The following NCOA1 variants were observed in gnomAD, a reference collection of about 807,000 sequenced individuals.
NCOA1 encodes the protein Hin-2 protein.
In NCOA1, 35 loss-of-function variants were observed where a neutral mutation model predicts 150.9. The observed-to-expected ratio is 0.23, with a 90% CI of 0.18 to 0.31. The LOEUF is 0.31. Among genes scored for constraint, NCOA1 ranks in the 10% least tolerant of loss-of-function variants. The pLI is 1.00. For synonymous variants in NCOA1, 590 were observed against 630.0 expected (o/e 0.94, Z 0.95); for missense variants, 1,491 against 1,749.3 (o/e 0.85, Z 2.63).
chr2:24,511,216 C>A (rs1484345514), intron 1 of NCOA1, among the ~76,000 whole-genome samples: 1 of 152,124 alleles, frequency 6.6e-6, no homozygotes, highest in Admixed American at 6.5e-5. Flanking sequence ...CCACTGTAAT[C>A]CATTTTGACT....
intron 19 of NCOA1, among the ~76,000 whole-genome samples, chr2:24,744,598 A>G (rs918519035): frequency 1.3e-5 from 2 of 152,190 alleles, no homozygotes; most frequent in African/African-American, 4.8e-5. Flanking sequence ...AAAACAGTTT[A>G]TTGTGGCTTA....
intron 14 of NCOA1, among the ~76,000 whole-genome samples, chr2:24,716,143 C>CAAAAA: frequency 1.2e-5 from 1 of 85,362 alleles, no homozygotes; most frequent in Non-Finnish European, 2.3e-5. Context: ...GACTCCGTCT[C>CAAAAA]AAAAAAAAAA....
At chr2:24,557,238 A>G (rs963204216) in intron 1 of NCOA1, among the ~76,000 whole-genome samples, 17 of 152,088 alleles carry the variant, frequency 1.1e-4, no homozygotes, top group Non-Finnish European at 2.4e-4. Context: ...TCTTTAACTT[A>G]TCACATTCTT....
intron 2 of NCOA1, among the ~76,000 whole-genome samples, chr2:24,566,671 A>G (rs1012041367): frequency 9.9e-5 from 15 of 152,160 alleles, no homozygotes; most frequent in Non-Finnish European, 1.5e-4. Flanking sequence ...CCAGAAGTCT[A>G]TCTGCCTCCT....
In NCOA1 at chr2:24,691,284, C is replaced by G. The variant is rs56292541; in HGVS notation, c.533-197C>G. On this transcript the variant is annotated intron_variant, in intron 8 of 22. Transcript: ENST00000348332. Reference sequence around the variant, plus strand: ...ATTTTCTTGGAAATGTTACAGTTTTCTAATTGGTAGACATTTAGATTTGCT... The same window carrying G: ...ATTTTCTTGGAAATGTTACAGTTTTGTAATTGGTAGACATTTAGATTTGCT... 6.3e-3 allele frequency among the ~76,000 whole-genome samples: 964 copies of G among 152,230 alleles called. 12 individuals carry two copies. Among genetic ancestry groups the G allele is most frequent in the African/African-American group, 0.021 (886 of 41,532 alleles).
At position 24,706,997 on chromosome 2, in the gene NCOA1, T is replaced by C; in HGVS notation, c.1527T>C (p.Pro509=). ...TRPRMPNNSF[P]PNISTLSSPV... ...CCAGGATGCCAAACAATTCCTTTCC[T>C]CCTAATATTTCGACATTAAGCTCTC... The change falls in exon 13 of 23, where the codon CCT becomes CCC. Residue 509 remains proline, a synonymous_variant. Coordinates refer to ENST00000348332, the MANE Select transcript of NCOA1 (RefSeq NM_003743.5). 6.2e-7 allele frequency: 1 copy of C among 1,614,196 alleles called. No homozygotes were observed. Among genetic ancestry groups the C allele is most frequent in the South Asian group, 1.1e-5 (1 of 91,082 alleles).
intron 5 of NCOA1, among the ~76,000 whole-genome samples, chr2:24,660,885 A>G (rs1019789880): frequency 1.1e-4 from 17 of 151,354 alleles, no homozygotes; most frequent in Non-Finnish European, 2.2e-4. Flanking sequence ...CATAGTGAAA[A>G]CCCATCTCTA....
At chr2:24,673,218 G>T in intron 6 of NCOA1, 148 bp from the exon 7 acceptor site, 1 of 481,968 alleles carries the variant, frequency 2.1e-6, no homozygotes, top group South Asian at 3.8e-5. Flanking sequence ...CATAAAATGA[G>T]TATAATTAAG....
chr2:24,543,042 T>C (rs368600784), intron 1 of NCOA1, among the ~76,000 whole-genome samples: 1 of 152,166 alleles, frequency 6.6e-6, no homozygotes, highest in Non-Finnish European at 1.5e-5. Context: ...TTATTCTGTT[T>C]TGTATTGCTA....
chr2:24,706,306 T>G (rs1673420600), intron 12 of NCOA1, among the ~76,000 whole-genome samples: 1 of 152,112 alleles, frequency 6.6e-6, no homozygotes, highest in Non-Finnish European at 1.5e-5. Flanking sequence ...TTACATAAAA[T>G]TATATTTTAC....
At position 24,691,516 on chromosome 2, in the gene NCOA1, C is replaced by T; in HGVS notation, c.568C>T (p.Arg190Ter). 1.2e-6 allele frequency: 2 copies of T among 1,613,988 alleles called. No homozygotes were observed. The highest frequency in any genetic ancestry group is 8.5e-7 in the Non-Finnish European group (1 of 1,179,942). ...TCCTTGGCCTCAAGAGGCAACACGA[C>T]GAAATAGCCATACCTTTAACTGCAG... ...GVPWPQEATRRNSHTFNCRML... is the reference protein window; with the variant it reads ...GVPWPQEATR Residue 190 changes from arginine (R) to a stop codon, truncating the protein, a stop_gained, in exon 9 of 23, where the codon CGA (arginine) becomes TGA (stop). Coordinates refer to ENST00000348332, the MANE Select transcript of NCOA1 (RefSeq NM_003743.5). LOFTEE classifies it high-confidence loss of function.
chr2:24,682,834 G>C lies in NCOA1; in HGVS notation c.355-117G>C, dbSNP rs56054917. 351 of 793,006 alleles carry C rather than the reference G, an allele frequency of 4.4e-4. 1 individual carries two copies. In the African/African-American group the frequency reaches 5.7e-3, roughly 13 times the overall value. The allele number at this position is 793,006 out of a possible 1,614,324, so 49.1% of individuals were successfully genotyped here. ...CTCCTGCGTATCACAATTTCCTTGAGGACAGAGACCAGGTCTTGACATATA... is the reference window on the plus strand; with the variant it reads ...CTCCTGCGTATCACAATTTCCTTGACGACAGAGACCAGGTCTTGACATATA... On this transcript the variant is annotated intron_variant, in intron 7 of 22. Transcript: ENST00000348332.
intron 21 of NCOA1, 38 bp from the exon 22 acceptor site, chr2:24,762,649 A>T (rs369316441): frequency 1.9e-6 from 3 of 1,579,048 alleles, no homozygotes; most frequent in Non-Finnish European, 2.6e-6. Context: ...AGTTTAAACA[A>T]CTAGCTTGTA....
chr2:24,664,425 A>T (rs747662847), intron 5 of NCOA1, among the ~76,000 whole-genome samples: 1 of 152,128 alleles, frequency 6.6e-6, no homozygotes, highest in Non-Finnish European at 1.5e-5. Context: ...AGAAAAGTAA[A>T]TGGGGCTGGG....
At chr2:24,606,721 A>G (rs1016641278) in intron 3 of NCOA1, among the ~76,000 whole-genome samples, 1 of 152,292 alleles carries the variant, frequency 6.6e-6, no homozygotes, top group East Asian at 1.9e-4. Context: ...GATACTCCCA[A>G]ACTTTCCAGT....
intron 14 of NCOA1, among the ~76,000 whole-genome samples, 159 bp from the exon 15 acceptor site, chr2:24,726,430 G>A (rs1375879004): frequency 6.7e-6 from 1 of 150,330 alleles, no homozygotes; most frequent in Non-Finnish European, 1.5e-5. Flanking sequence ...TTATTATGTG[G>A]TCACACTAGA....
chr2:24,664,256 A>G (rs1671312626), intron 5 of NCOA1, among the ~76,000 whole-genome samples: 1 of 152,250 alleles, frequency 6.6e-6, no homozygotes, highest in African/African-American at 2.4e-5. Context: ...ATAATGAAAG[A>G]CTTAAAAGAC....
intron 13 of NCOA1, among the ~76,000 whole-genome samples, chr2:24,709,034 T>C (rs1195481867): frequency 6.6e-6 from 1 of 152,240 alleles, no homozygotes; most frequent in East Asian, 1.9e-4. Flanking sequence ...CTGTTTACTC[T>C]TTGTAGTAAC....
intron 3 of NCOA1, among the ~76,000 whole-genome samples, chr2:24,628,129 G>A (rs1269815711): frequency 2.0e-5 from 3 of 151,940 alleles, no homozygotes; most frequent in African/African-American, 4.8e-5. Context: ...TTGAAACCCC[G>A]TCTCTACTAA....
Sources: allele counts gnomAD v4.1 joint callset (sites outside exome capture counted in the v4.1 genomes callset), GRCh38; gene constraint gnomAD v4.1.1; transcripts MANE v1.5; gene names NCBI Gene and HGNC (gene_info 2026-07-23, HGNC 2026-07-21).